WFDC11: variants seen among roughly 807,000 people sequenced by gnomAD.
WFDC11 encodes WAP four-disulfide core domain 11, also known as protein WFDC11.
A neutral mutation model predicts 9.9 loss-of-function variants in WFDC11; 9 were observed. The ratio of observed to expected loss-of-function variants is 0.91; its 90% confidence interval spans 0.55 to 1.58. The LOEUF (loss-of-function observed/expected upper bound fraction) is 1.58, where lower values mean the gene tolerates loss of function less well. WFDC11 is among the 40% of genes most tolerant of loss of function. The probability of loss-of-function intolerance (pLI) is 0.00; values close to 1 mark genes in which losing one functional copy is unlikely to be tolerated. For missense variants in WFDC11, 106 were observed against 101.7 expected (o/e 1.04, Z -0.18); for synonymous variants, 32 against 33.3 (o/e 0.96, Z 0.13).
At chr20:45,661,163 G>A (rs1354989316) in intron 2 of WFDC11, among the ~76,000 whole-genome samples, 1 of 152,118 alleles carries the variant, frequency 6.6e-6, no homozygotes, top group African/African-American at 2.4e-5. Context: ...TTCTCTGATG[G>A]CCAGTGATGG....
intron 4 of WFDC11, 35 bp from the exon 5 acceptor site, chr20:45,648,774 G>T: frequency 1.2e-6 from 2 of 1,608,460 alleles, no homozygotes; most frequent in South Asian, 2.2e-5. Context: ...TTAGAGGCTA[G>T]AGAACTCTGA....
chr20:45,651,214 A>G (rs2145615378), intron 2 of WFDC11, among the ~76,000 whole-genome samples: 1 of 152,338 alleles, frequency 6.6e-6, no homozygotes, highest in African/African-American at 2.4e-5. Flanking sequence ...ACATTTATTG[A>G]ACACCTACTA....
chr20:45,659,780 C>A (rs182598304), intron 2 of WFDC11, among the ~76,000 whole-genome samples: 5 of 152,044 alleles, frequency 3.3e-5, no homozygotes, highest in African/African-American at 9.7e-5. Flanking sequence ...AGTCATGAAG[C>A]CTTTGCTCAT....
chr20:45,650,211 TAC>T (rs142774065), intron 3 of WFDC11, among the ~76,000 whole-genome samples: 260 of 150,554 alleles, frequency 1.7e-3, no homozygotes, highest in South Asian at 3.2e-3. Flanking sequence ...ATGGTATATA[TAC>T]ACACACACAC....
intron 2 of WFDC11, among the ~76,000 whole-genome samples, chr20:45,664,783 T>G (rs1006236486): frequency 2.0e-5 from 3 of 152,224 alleles, no homozygotes; most frequent in Non-Finnish European, 4.4e-5. Context: ...TGCCTAGAGA[T>G]CTGCTGTTAG....
At chr20:45,652,004 T>TG (rs1982818674) in intron 2 of WFDC11, among the ~76,000 whole-genome samples, 1 of 152,198 alleles carries the variant, frequency 6.6e-6, no homozygotes. Flanking sequence ...ACTCCACCTC[T>TG]GGGGGAGGGC....
chr20:45,669,694 T>A (rs1009540540), intron 1 of WFDC11, among the ~76,000 whole-genome samples: 1 of 152,206 alleles, frequency 6.6e-6, no homozygotes. Context: ...GGAAAGTTTA[T>A]AGCACTAAAT....
chr20:45,653,440 A>G (rs968803482), intron 2 of WFDC11, among the ~76,000 whole-genome samples: 2 of 152,182 alleles, frequency 1.3e-5, no homozygotes, highest in Non-Finnish European at 2.9e-5. Flanking sequence ...AGCACTAAAC[A>G]TGGAAAGGAA....
intron 4 of WFDC11, among the ~76,000 whole-genome samples, 184 bp downstream of exon 4, chr20:45,649,073 G>A (rs1272041262): frequency 1.3e-5 from 2 of 152,082 alleles, no homozygotes; most frequent in South Asian, 4.2e-4. Context: ...AAACAATGGG[G>A]TCTAAGCTGG....
At chr20:45,659,019 A>G (rs549562088) in intron 2 of WFDC11, among the ~76,000 whole-genome samples, 18 of 152,304 alleles carry the variant, frequency 1.2e-4, no homozygotes, top group African/African-American at 4.3e-4. Flanking sequence ...AGCTTCATCC[A>G]TGTCCCTACA....
At chr20:45,655,779 T>A (rs2145618197) in intron 2 of WFDC11, among the ~76,000 whole-genome samples, 1 of 152,252 alleles carries the variant, frequency 6.6e-6, no homozygotes, top group Non-Finnish European at 1.5e-5. Context: ...AGCATTCTTA[T>A]ACACCAATAA....
chr20:45,669,960 C>T (rs1404182632), intron 1 of WFDC11, among the ~76,000 whole-genome samples: 2 of 151,908 alleles, frequency 1.3e-5, no homozygotes, highest in East Asian at 3.9e-4. Context: ...CAGATAAACA[C>T]AATCAAAAAT....
Position 45,656,466 on chromosome 20 carries a change from G to C in WFDC11, c.-51-5815C>G, listed in dbSNP as rs529786853. Among the ~76,000 whole-genome samples the C allele has an allele frequency of 9.9e-5, 15 of 152,086 alleles. No homozygotes were observed. The South Asian group carries it at 2.9e-3, about 29-fold the overall frequency. Reference sequence around the variant, plus strand: ...TGGATTAAAGACTTAAATGTTAGATGTAAAACCATAAAAACCCTGGAAGAA... The same window carrying C: ...TGGATTAAAGACTTAAATGTTAGATCTAAAACCATAAAAACCCTGGAAGAA... On this transcript the variant is annotated intron_variant, in intron 2 of 4. Transcript: ENST00000324384.
At chr20:45,653,807 A>G (rs867363653) in intron 2 of WFDC11, among the ~76,000 whole-genome samples, 16 of 152,200 alleles carry the variant, frequency 1.1e-4, no homozygotes, top group Middle Eastern at 3.2e-3. Flanking sequence ...CAGACTTTAA[A>G]CCAACAAAGA....
At chr20:45,668,350 A>G (rs568560819) in intron 1 of WFDC11, among the ~76,000 whole-genome samples, 1 of 152,230 alleles carries the variant, frequency 6.6e-6, no homozygotes, top group African/African-American at 2.4e-5. Flanking sequence ...GAGAGAAGCA[A>G]AGCCTGTAGA....
At chr20:45,669,756 G>A (rs1452235672) in intron 1 of WFDC11, among the ~76,000 whole-genome samples, 1 of 152,012 alleles carries the variant, frequency 6.6e-6, no homozygotes, top group Non-Finnish European at 1.5e-5. Flanking sequence ...ATCACACCTA[G>A]AGGAACTTGA....
rs1568660764 is a variant in WFDC11, at chr20:45,650,491, C to T, written c.100+10G>A. Reference sequence around the variant, plus strand: ...CCTCCTGTGGCCCCTAATCCAGCCTCACCACCTACTGTCATATCTTTTCTT... The same window carrying T: ...CCTCCTGTGGCCCCTAATCCAGCCTTACCACCTACTGTCATATCTTTTCTT... On this transcript the variant is annotated intron_variant, in intron 3 of 4. Transcript: ENST00000324384. The T allele has an allele frequency of 6.2e-7, 1 of 1,612,244 alleles. No individual in the cohort carries two copies. The highest frequency in any genetic ancestry group is 8.5e-7 in the Non-Finnish European group (1 of 1,178,372).
At chr20:45,656,165 G>A (rs979952387) in intron 2 of WFDC11, among the ~76,000 whole-genome samples, 23 of 152,072 alleles carry the variant, frequency 1.5e-4, no homozygotes, top group South Asian at 4.2e-4. Context: ...GAGGCATCAC[G>A]TTACCTGACT....
At chr20:45,668,952 T>C (rs976297438) in intron 1 of WFDC11, among the ~76,000 whole-genome samples, 3 of 152,204 alleles carry the variant, frequency 2.0e-5, no homozygotes, top group Admixed American at 6.5e-5. Context: ...ATTCAATCTG[T>C]GCATAAATAT....
Sources: allele counts gnomAD v4.1 joint callset (sites outside exome capture counted in the v4.1 genomes callset), GRCh38; gene constraint gnomAD v4.1.1; transcripts MANE v1.5; gene names NCBI Gene and HGNC (gene_info 2026-07-23, HGNC 2026-07-21).